Variants in DHFR2 observed in about 807,000 individuals in gnomAD.
The protein encoded by DHFR2 is dihydrofolate reductase 2, mitochondrial.
In DHFR2, 11 loss-of-function variants were observed where a neutral mutation model predicts 12.0. The observed-to-expected ratio is 0.92, with a 90% confidence interval of 0.58 to 1.52. The LOEUF (loss-of-function observed/expected upper bound fraction) is 1.52. Ranked by LOEUF, DHFR2 falls within the 40% of genes most tolerant of loss-of-function variation. The pLI, the probability that DHFR2 is intolerant of heterozygous loss-of-function variation, is 0.00. For synonymous variants in DHFR2, 87 were observed against 79.6 expected (o/e 1.09, Z -0.49); for missense variants, 188 against 221.2 (o/e 0.85, Z 0.95).
At chr3:94,062,956 A>C (rs868275444), upstream of DHFR2, 42 of 690,084 alleles carry the variant, frequency 6.1e-5, no homozygotes, top group Middle Eastern at 1.8e-3. Context: ...CTCTTCGACA[A>C]GAATTCTATA....
rs1310152437 is a variant in DHFR2, at chr3:94,058,113, A to T, written c.*2835T>A. 6.6e-6 allele frequency: 1 copy of T among 152,110 alleles called. No homozygotes were observed. Among genetic ancestry groups the T allele is most frequent in the Non-Finnish European group, 1.5e-5 (1 of 67,998 alleles). 9.4% of individuals were successfully genotyped at this position (152,110 alleles called of 1,614,324 possible). A position where few individuals can be genotyped will look rare whatever the true frequency, so the allele number is the denominator to read the frequency against. On this transcript the variant is annotated 3_prime_UTR_variant, in exon 2 of 2. Transcript: ENST00000314636. The stretch of plus-strand genomic sequence containing the variant: ...GAGTGTAACTTTTTATTAAGATAGA[A>T]TTATTTTTATTAAAGAAATATATGA...
At position 94,060,887 on chromosome 3, in the gene DHFR2, T is replaced by TA; in HGVS notation, c.*60dup. 1.3e-6 allele frequency: 2 copies of TA among 1,556,044 alleles called. No homozygotes were observed. Among genetic ancestry groups the TA allele is most frequent in the Admixed American group, 1.9e-5 (1 of 52,072 alleles). ...GTCAACAAAAGTCCCTTTTCTAATG[T>TA]AAAAATGCATACTTTTCTCAGAGGG... On this transcript the variant is annotated 3_prime_UTR_variant, in exon 2 of 2. Coordinates refer to ENST00000314636, the MANE Select transcript of DHFR2 (RefSeq NM_176815.5).
rs1270359540 is a variant in DHFR2, at chr3:94,061,241, C to A, written c.271G>T (p.Ala91Ser). The A allele has an allele frequency of 6.2e-7, 1 of 1,613,850 alleles. No individual in the cohort carries two copies. Among genetic ancestry groups the A allele is most frequent in the Non-Finnish European group, 8.5e-7 (1 of 1,179,872 alleles). Residue 91 changes from alanine (A) to serine (S), a missense_variant, in exon 2 of 2, where the codon GCC becomes TCC. Physicochemically the swap from Ala to Ser is moderately conservative, Grantham distance 99 (BLOSUM62 1). Transcript: ENST00000314636. ...TTTAAGGCATCATCCAAACTTCTGGCAAGAAAATGAGCTCCTTGTGGAGGT... is the reference window on the plus strand; with the variant it reads ...TTTAAGGCATCATCCAAACTTCTGGAAAGAAAATGAGCTCCTTGTGGAGGT... Reference protein sequence around the residue: ...KEPPQGAHFLARSLDDALKLT... With the variant: ...KEPPQGAHFLSRSLDDALKLT...
In DHFR2 at chr3:94,061,083, A is replaced by G. The variant is rs761999243; in HGVS notation, c.429T>C (p.Phe143=). The G allele has an allele frequency of 3.1e-6, 5 of 1,613,948 alleles. No homozygotes were observed. The highest frequency in any genetic ancestry group is 3.4e-6 in the Non-Finnish European group (4 of 1,179,874). The change falls in exon 2 of 2, where the codon TTT becomes TTC. Residue 143 remains phenylalanine (F), a synonymous_variant. Coordinates refer to ENST00000314636, the MANE Select transcript of DHFR2 (RefSeq NM_176815.5). Reference sequence around the variant, plus strand: ...TTTCTGAAAAAAACGTGTCACTTTCAAAGTCCTGCATGATCCTTGTCACAA... The same window carrying G: ...TTTCTGAAAAAAACGTGTCACTTTCGAAGTCCTGCATGATCCTTGTCACAA... ...KLFVTRIMQD[F]ESDTFFSEID...
Position 94,060,854 on chromosome 3 carries a change from G to T in DHFR2, c.*94C>A. On this transcript the variant is annotated 3_prime_UTR_variant, in exon 2 of 2. Coordinates refer to ENST00000314636, the MANE Select transcript of DHFR2 (RefSeq NM_176815.5). Reference sequence around the variant, plus strand: ...CGTTGCTTAGAAATAATTATCCATAGATCTGAAGTCAACAAAAGTCCCTTT... The same window carrying T: ...CGTTGCTTAGAAATAATTATCCATATATCTGAAGTCAACAAAAGTCCCTTT... 1 of 1,346,882 alleles carries T rather than the reference G, an allele frequency of 7.4e-7. No individual in the cohort carries two copies. Among genetic ancestry groups the T allele is most frequent in the Non-Finnish European group, 1.0e-6 (1 of 977,492 alleles). The allele number at this position is 1,346,882 out of a possible 1,614,324, so 83.4% of individuals were successfully genotyped here.
intron 1 of DHFR2, among the ~76,000 whole-genome samples, chr3:94,061,810 G>A (rs1364125726): frequency 6.6e-6 from 1 of 151,682 alleles, no homozygotes. Flanking sequence ...GCATCCAAGA[G>A]ATGGCATCAT....
At chr3:94,063,206 G>A, upstream of DHFR2, 1 of 1,517,378 alleles carries the variant, frequency 6.6e-7, no homozygotes, top group South Asian at 1.1e-5. Flanking sequence ...CCGAGGTGGC[G>A]AGGGAGGGTG....
chr3:94,062,361 T>A (rs960818786), intron 1 of DHFR2, among the ~76,000 whole-genome samples: 1 of 152,224 alleles, frequency 6.6e-6, no homozygotes, highest in Non-Finnish European at 1.5e-5. Flanking sequence ...TTTACATGCC[T>A]ACTTCAGTTT....
In DHFR2 at chr3:94,060,444, TG is replaced by T. The variant is rs1459618805; in HGVS notation, c.*503del. 1 of 158,048 alleles carries T rather than the reference TG, an allele frequency of 6.3e-6. No individual in the cohort carries two copies. The highest frequency in any genetic ancestry group is 1.4e-5 in the Non-Finnish European group (1 of 71,650). 9.8% of individuals were successfully genotyped at this position (158,048 alleles called of 1,614,324 possible). On this transcript the variant is annotated 3_prime_UTR_variant, in exon 2 of 2. Coordinates refer to ENST00000314636, the MANE Select transcript of DHFR2 (RefSeq NM_176815.5). ...TAAATTTCAGTCTTGGAATCTGCTT[TG>T]GGTTCCCCAATCTAAGACAGAAATA...
rs964337532 is a variant in DHFR2 at position 94,060,307 on chromosome 3, C to G, written c.*641G>C. 4 of 152,876 alleles carry G rather than the reference C, an allele frequency of 2.6e-5. No individual in the cohort carries two copies. The highest frequency in any genetic ancestry group is 5.8e-5 in the Non-Finnish European group (4 of 68,588). 9.5% of individuals were successfully genotyped at this position (152,876 alleles called of 1,614,324 possible). A position where few individuals can be genotyped will look rare whatever the true frequency, so the allele number is the denominator to read the frequency against. On this transcript the variant is annotated 3_prime_UTR_variant, in exon 2 of 2. Coordinates refer to ENST00000314636, the MANE Select transcript of DHFR2 (RefSeq NM_176815.5). ...TATCTCAGCAGTATGGAGCTCGTTACCATTGAGAACCTCCTCACTGATTTT... is the reference window on the plus strand; with the variant it reads ...TATCTCAGCAGTATGGAGCTCGTTAGCATTGAGAACCTCCTCACTGATTTT...
intron 1 of DHFR2, among the ~76,000 whole-genome samples, chr3:94,061,896 C>T (rs999020321): frequency 6.6e-6 from 1 of 151,776 alleles, no homozygotes; most frequent in African/African-American, 2.4e-5. Flanking sequence ...GACTTGGAAA[C>T]TTGTTTAAAT....
chr3:94,061,460 C>G lies in DHFR2; in HGVS notation c.52G>C (p.Gly18Arg). 1 of 1,614,102 alleles carries G rather than the reference C, an allele frequency of 6.2e-7. No individual in the cohort carries two copies. Among genetic ancestry groups the G allele is most frequent in the Non-Finnish European group, 8.5e-7 (1 of 1,180,040 alleles). The change falls in exon 2 of 2, where the codon GGC becomes CGC. Residue 18 changes from glycine to arginine, a missense_variant. Gly to Arg is a moderately radical substitution (Grantham distance 125, BLOSUM62 -2). Transcript: ENST00000314636. The stretch of plus-strand genomic sequence containing the variant: ...GGCCTGGGCAGGTCCCCGTTCTTGC[C>G]GATGCCCATGTTTTGGGACACAGCG... ...IVAVSQNMGI[G>R]KNGDLPRPPL...
Position 94,058,688 on chromosome 3 carries a change from G to A in DHFR2, c.*2260C>T, listed in dbSNP as rs1196681694. 1 of 152,928 alleles carries A rather than the reference G, an allele frequency of 6.5e-6. No homozygotes were observed. The highest frequency in any genetic ancestry group is 1.9e-4 in the East Asian group (1 of 5,180). The allele number at this position is 152,928 out of a possible 1,614,324, so 9.5% of individuals were successfully genotyped here. Reference sequence around the variant, plus strand: ...CTATCCTGTACTTCTTCCTGCCCTAGAATTAATTATTGCCTAACCAACCCT... The same window carrying A: ...CTATCCTGTACTTCTTCCTGCCCTAAAATTAATTATTGCCTAACCAACCCT... On this transcript the variant is annotated 3_prime_UTR_variant, in exon 2 of 2. Coordinates refer to ENST00000314636, the MANE Select transcript of DHFR2 (RefSeq NM_176815.5).
rs1202227899 is a variant in DHFR2, at chr3:94,061,141, T to C, written c.371A>G (p.Glu124Gly). 6.2e-7 allele frequency: 1 copy of C among 1,613,972 alleles called. No individual in the cohort carries two copies. Among genetic ancestry groups the C allele is most frequent in the Non-Finnish European group, 8.5e-7 (1 of 1,179,864 alleles). ...AAGATGGCCTAGGTGATTCATGGCT[T>C]CCTTATAAACAGAACTGCCACCAAC... ...WIVGGSSVYK[E>G]AMNHLGHLKL... Residue 124 changes from glutamate to glycine, a missense_variant, in exon 2 of 2, where the codon GAA (glutamate) becomes GGA (glycine). Physicochemically the swap from Glu to Gly is moderately conservative, Grantham distance 98. Coordinates refer to ENST00000314636, the MANE Select transcript of DHFR2 (RefSeq NM_176815.5).
intron 1 of DHFR2, among the ~76,000 whole-genome samples, chr3:94,062,215 G>C (rs1240995609): frequency 1.3e-5 from 2 of 152,176 alleles, no homozygotes; most frequent in East Asian, 3.8e-4. Context: ...GTGAATTGGG[G>C]AGGCTAGAGT....
chr3:94,062,438 T>C (rs2077180855), intron 1 of DHFR2, among the ~76,000 whole-genome samples: 2 of 152,226 alleles, frequency 1.3e-5, no homozygotes, highest in African/African-American at 4.8e-5. Flanking sequence ...TGACTTAATT[T>C]CTTTTTCATT....
rs2077185327 is a variant in DHFR2, at chr3:94,062,895, T to A, written c.-245A>T. On this transcript the variant is annotated 5_prime_UTR_variant, in exon 1 of 2. Transcript: ENST00000314636. ...TCCGCGTCCTGGGAAGTATCAGCCT[T>A]TACCAGCTACCGGAAGTAACTGCGC... is the stretch of plus-strand genomic sequence containing the variant. 1 of 556,930 alleles carries A rather than the reference T, an allele frequency of 1.8e-6. No individual in the cohort carries two copies. Among genetic ancestry groups the A allele is most frequent in the Admixed American group, 3.0e-5 (1 of 33,292 alleles). The allele number at this position is 556,930 out of a possible 1,614,324, so 34.5% of individuals were successfully genotyped here. A position where few individuals can be genotyped will look rare whatever the true frequency, so the allele number is the denominator to read the frequency against.
At chr3:94,061,631 G>A (rs2077175885) in intron 1 of DHFR2, 25 bp from the exon 2 acceptor site, 9 of 1,447,844 alleles carry the variant, frequency 6.2e-6, no homozygotes, top group Non-Finnish European at 8.2e-6. Flanking sequence ...CAATACCACT[G>A]TATTAATTAA....
rs1455735784 is a variant in DHFR2, at chr3:94,062,851, T to G, written c.-201A>C. 2 of 450,596 alleles carry G rather than the reference T, an allele frequency of 4.4e-6. No homozygotes were observed. Among genetic ancestry groups the G allele is most frequent in the East Asian group, 3.4e-5 (1 of 29,068 alleles). 27.9% of individuals were successfully genotyped at this position (450,596 alleles called of 1,614,324 possible). A position where few individuals can be genotyped will look rare whatever the true frequency, so the allele number is the denominator to read the frequency against. Reference sequence around the variant, plus strand: ...ACCAATCCAAGTAGCGAAAGTCGCTTTGGCCCTGGCCCGTTACCTCCGCGT... The same window carrying G: ...ACCAATCCAAGTAGCGAAAGTCGCTGTGGCCCTGGCCCGTTACCTCCGCGT... On this transcript the variant is annotated 5_prime_UTR_variant, in exon 1 of 2. Coordinates refer to ENST00000314636, the MANE Select transcript of DHFR2 (RefSeq NM_176815.5).
Sources: allele counts gnomAD v4.1 joint callset (sites outside exome capture counted in the v4.1 genomes callset), GRCh38; gene constraint gnomAD v4.1.1; transcripts MANE v1.5; gene names NCBI Gene and HGNC (gene_info 2026-07-23, HGNC 2026-07-21).